The following DCTN1 variants were observed in gnomAD, a reference collection of about 807,000 sequenced individuals.
DCTN1 encodes the protein 150 kDa dynein-associated polypeptide.
Under a neutral mutation model 161.2 loss-of-function variants are expected in DCTN1, and 61 were observed. That is an observed-to-expected ratio of 0.38 (90% confidence interval 0.31 to 0.47). The LOEUF is 0.47. DCTN1 is among the 20% of genes least tolerant of loss of function. The probability of loss-of-function intolerance (pLI) is 0.99; values close to 1 mark genes in which losing one functional copy is unlikely to be tolerated. For missense variants in DCTN1, 1,404 were observed against 1,623.7 expected, an observed-to-expected ratio of 0.86 and a Z score of 2.33; for synonymous variants, 653 against 632.4, an observed-to-expected ratio of 1.03 and a Z score of -0.49.
intron 1 of DCTN1, chr2:74,387,035 A>G (rs1447328807): frequency 6.6e-6 from 1 of 152,178 alleles, no homozygotes; most frequent in East Asian, 1.9e-4. Context: ...GTGAGTACAC[A>G]TTCTCTATCT....
Position 74,370,251 on chromosome 2 carries a change from G to C in DCTN1, c.1222C>G (p.Gln408Glu), listed in dbSNP as rs1443982047. The C allele has an allele frequency of 6.2e-7, 1 of 1,614,034 alleles. No homozygotes were observed. Among genetic ancestry groups the C allele is most frequent in the African/African-American group, 1.3e-5 (1 of 75,052 alleles). Residue 408 changes from glutamine (Q) to glutamate (E), a missense_variant, in exon 12 of 32, where the codon CAG becomes GAG. Physicochemically the swap from Gln to Glu is conservative, Grantham distance 29. Transcript: ENST00000628224. The surrounding 1 kb of genome is among the most constrained non-coding windows in gnomAD (Gnocchi z 4.4). ...AGCTCCTCCTGCAGACGCTCCCGCTGTTGCCTCACAACTTCCAGCTCTTGG... is the reference window on the plus strand; with the variant it reads ...AGCTCCTCCTGCAGACGCTCCCGCTCTTGCCTCACAACTTCCAGCTCTTGG... Reference protein sequence around the residue: ...KNQELEVVRQQRERLQEELSQ... With the variant: ...KNQELEVVRQERERLQEELSQ...
exon 1 of DCTN1, chr2:74,391,826 A>T: frequency 2.2e-6 from 1 of 452,674 alleles, no homozygotes; most frequent in Non-Finnish European, 4.4e-6. Context: ...CCCAGCTCCG[A>T]CCCCACCGAC....
chr2:74,370,020 C>T lies in DCTN1; in HGVS notation c.1337G>A (p.Arg446Gln). The T allele has an allele frequency of 1.9e-6, 3 of 1,614,152 alleles. No homozygotes were observed. The highest frequency in any genetic ancestry group is 2.5e-6 in the Non-Finnish European group (3 of 1,180,036). Residue 446 changes from arginine (R) to glutamine (Q), a missense_variant, in exon 13 of 32, where the codon CGG becomes CAG. Around this residue, in one of 9 missense-constraint regions of DCTN1, gnomAD observed 278 missense variants for 363.8 expected, o/e 0.76. Coordinates refer to ENST00000628224, the MANE Select transcript of DCTN1 (RefSeq NM_004082.5). The surrounding 1 kb of genome is among the most constrained non-coding windows in gnomAD (Gnocchi z 4.4). ...CACTTTCTCTTCCAGATTCAGGTTC[C>T]GATCTGTCAGCATCTCCACCATCTC... is the stretch of plus-strand genomic sequence containing the variant. The part of the protein sequence containing the change: ...AEEMVEMLTD[R>Q]NLNLEEKVRE...
At chr2:74,378,896 C>G (rs1652026013) in intron 1 of DCTN1, 1 of 154,928 alleles carries the variant, frequency 6.5e-6, no homozygotes, top group African/African-American at 2.4e-5. Context: ...CATTCAACTC[C>G]CCTTCTACCT....
In DCTN1 at chr2:74,369,312, G is replaced by A. The variant is rs767084159; in HGVS notation, c.1572C>T (p.Thr524=). The change falls in exon 14 of 32, where the codon ACC becomes ACT. Residue 524 remains threonine, a synonymous_variant. Coordinates refer to ENST00000628224, the MANE Select transcript of DCTN1 (RefSeq NM_004082.5). The surrounding 1 kb of genome is among the most constrained non-coding windows in gnomAD (Gnocchi z 4.9). ...QQTIKKYRQL[T]AHLQDVNREL... ...AGTGGGCATGTACCTGTAGATGGGC[G>A]GTCAGCTGGCGGTACTTCTTGATGG... The A allele has an allele frequency of 3.8e-5, 61 of 1,614,080 alleles. No individual in the cohort carries two copies. Among genetic ancestry groups the A allele is most frequent in the South Asian group, 4.4e-5 (4 of 91,094 alleles).
chr2:74,391,095 T>C (rs1573195384), intron 1 of DCTN1: 1 of 152,998 alleles, frequency 6.5e-6, no homozygotes, highest in Admixed American at 6.5e-5. Context: ...TTATCTCTTT[T>C]AACATCTCAT....
intron 23 of DCTN1, 111 bp from the exon 24 acceptor site, chr2:74,366,129 A>G (rs973376180): frequency 6.2e-7 from 1 of 1,608,764 alleles, no homozygotes; most frequent in Non-Finnish European, 8.5e-7. Context: ...TCTAGGCAGG[A>G]TGGTGCTCTC....
In DCTN1 at chr2:74,377,719, A is replaced by G. The variant is rs1675306520; in HGVS notation, c.287T>C (p.Val96Ala). ...GIFVRQSQIQ[V>A]FEDGADTTSP... ...AGTAGTATCTGCTCCATCTTCAAAT[A>G]CCTGGATCTGAGGCCAGATTCAATA... The change falls in exon 3 of 32, where the codon GTA becomes GCA. Residue 96 changes from valine to alanine, a missense_variant. Around this residue, in one of 9 missense-constraint regions of DCTN1, gnomAD observed 174 missense variants for 175.6 expected, o/e 0.99. Transcript: ENST00000628224. The G allele has an allele frequency of 2.5e-6, 4 of 1,613,690 alleles. No individual in the cohort carries two copies. Among genetic ancestry groups the G allele is most frequent in the Non-Finnish European group, 2.5e-6 (3 of 1,179,570 alleles).
intron 1 of DCTN1, 85 bp from the exon 2 acceptor site, chr2:74,378,330 T>C (rs1440394952): frequency 3.2e-6 from 5 of 1,549,214 alleles, no homozygotes; most frequent in Middle Eastern, 2.3e-4. Context: ...TCAGCCAAGA[T>C]GCTGGACTGA....
At chr2:74,364,234 C>G (rs1049329202) in intron 26 of DCTN1, 8 of 160,264 alleles carry the variant, frequency 5.0e-5, no homozygotes, top group African/African-American at 1.9e-4. Context: ...ACCACAAGAG[C>G]CTAAAGTCAA....
At position 74,371,872 on chromosome 2, in the gene DCTN1, AAAG is replaced by A. The variant is rs35914551; in HGVS notation, c.454-147_454-145del. On this transcript the variant is annotated intron_variant, in intron 7 of 31. Transcript: ENST00000628224. ...AAGAGAGTATCAAAGCACAGTGAGA[AAAG>A]AAGAATGAAGGGGACAAGGAAAATG... 0.22 allele frequency: 153,195 copies of A among 682,658 alleles called. 29,916 individuals carry two copies. Among genetic ancestry groups the A allele is most frequent in the East Asian group, 0.83 (30,261 of 36,528 alleles). The allele number at this position is 682,658 out of a possible 1,614,324, so 42.3% of individuals were successfully genotyped here. A position where few individuals can be genotyped will look rare whatever the true frequency, so the allele number is the denominator to read the frequency against.
chr2:74,383,099 T>A (rs149005728), upstream of DCTN1, among the ~76,000 whole-genome samples: 3,842 of 149,398 alleles, frequency 0.026, 188 homozygotes, highest in African/African-American at 0.091. Context: ...AAAAAATAAA[T>A]AAATAAAATA....
intron 7 of DCTN1, 63 bp downstream of exon 7, chr2:74,372,865 T>A (rs909040661): frequency 8.4e-6 from 13 of 1,540,778 alleles, no homozygotes; most frequent in Admixed American, 1.7e-5. Context: ...CCCTCATACA[T>A]CCACATGCCT....
At position 74,380,207 on chromosome 2, in the gene DCTN1, G is replaced by C; in HGVS notation, c.-170C>G. 2 of 722,202 alleles carry C rather than the reference G, an allele frequency of 2.8e-6. No homozygotes were observed. The highest frequency in any genetic ancestry group is 4.9e-6 in the Non-Finnish European group (2 of 406,740). The allele number at this position is 722,202 out of a possible 1,614,324, so 44.7% of individuals were successfully genotyped here. On this transcript the variant is annotated 5_prime_UTR_variant, in exon 1 of 32. Transcript: ENST00000628224. ...TCACTCGGTGGCCTACACGGGTAGG[G>C]GTGGGGGCAGTGATGGGGGCTGAGG... is the stretch of plus-strand genomic sequence containing the variant.
At chr2:74,377,332 A>T in intron 4 of DCTN1, 100 bp downstream of exon 4, 1 of 1,045,228 alleles carries the variant, frequency 9.6e-7, no homozygotes, top group Non-Finnish European at 1.5e-6. Flanking sequence ...AAGGCAAATC[A>T]GACTCACCTA....
At chr2:74,363,694 T>C (rs1573144192) in intron 26 of DCTN1, 66 bp from the exon 27 acceptor site, 1 of 1,602,044 alleles carries the variant, frequency 6.2e-7, no homozygotes, top group Non-Finnish European at 8.5e-7. Context: ...ATTTGGGGGT[T>C]ACGGGGACAC....
intron 31 of DCTN1, 86 bp from the exon 32 acceptor site, chr2:74,361,722 CA>C: frequency 6.4e-7 from 1 of 1,567,938 alleles, no homozygotes; most frequent in South Asian, 1.1e-5. Context: ...GCACTGAGAC[CA>C]AGGCAGCTCC....
chr2:74,361,716 T>C, intron 31 of DCTN1, 80 bp from the exon 32 acceptor site: 2 of 1,587,962 alleles, frequency 1.3e-6, no homozygotes, highest in Non-Finnish European at 1.7e-6. Flanking sequence ...CCCTGAGCAC[T>C]GAGACCAAGG....
chr2:74,362,976 G>A lies in DCTN1; in HGVS notation c.3529+18C>T, dbSNP rs761549274. The A allele has an allele frequency of 2.5e-6, 4 of 1,608,856 alleles. No homozygotes were observed. The East Asian group carries it at 8.9e-5, about 36-fold the overall frequency. ...GAGGGGGCAGTTTTATTCATCTTGG[G>A]GGTTGGCAGGTACATACCAGGGCTG... On this transcript the variant is annotated intron_variant, in intron 29 of 31. Transcript: ENST00000628224.
Sources: gnomAD v4.1 joint callset for allele counts (sites outside exome capture counted in the v4.1 genomes callset) on GRCh38, gnomAD v4.1.1 for gene constraint, gnomAD v4.1.1 regional missense constraint, Gnocchi (gnomAD v3.1) non-coding constraint, MANE v1.5 for transcripts, NCBI Gene and HGNC (gene_info 2026-07-23, HGNC 2026-07-21) for gene names.